Variants in ECEL1 observed in about 807,000 individuals in gnomAD.
ECEL1 encodes endothelin-converting enzyme-like 1.
ECEL1 carries 87 observed loss-of-function variants against 101.8 expected under a neutral mutation model. The observed-to-expected ratio is 0.85, with a 90% CI of 0.72 to 1.02. ECEL1 has a LOEUF of 1.02. Among genes scored for constraint, ECEL1 ranks in the 50% least tolerant of loss-of-function variants. ECEL1 has a pLI of 0.00. For synonymous variants in ECEL1, 487 were observed against 468.7 expected (o/e 1.04, Z -0.50); for missense variants, 1,032 against 1,079.2 (o/e 0.96, Z 0.61).
intron 5 of ECEL1, 21 bp downstream of exon 5, chr2:232,484,780 C>T (rs372161220): frequency 4.8e-5 from 78 of 1,613,346 alleles, no homozygotes; most frequent in Non-Finnish European, 6.0e-5. Context: ...TGCCTGCCCA[C>T]GAGGACTGGG....
At chr2:232,481,885 C>T in intron 12 of ECEL1, 36 bp from the exon 13 acceptor site, 1 of 1,612,360 alleles carries the variant, frequency 6.2e-7, no homozygotes, top group Non-Finnish European at 8.5e-7. Flanking sequence ...CCCTAGCCCT[C>T]CACCCTCTGA....
Position 232,486,248 on chromosome 2 carries a change from G to A in ECEL1, c.406C>T (p.Arg136Trp), listed in dbSNP as rs1263258508. 3.1e-6 allele frequency: 5 copies of A among 1,600,162 alleles called. 1 individual carries two copies. Among genetic ancestry groups the A allele is most frequent in the Middle Eastern group, 2.2e-4 (1 of 4,544 alleles). ...FYSFACGGWL[R>W]RHAIPDDKLT... ...TTGTCGTCGGGGATGGCGTGGCGCC[G>A]CAGCCAACCGCCGCAGGCGAACGAG... Residue 136 changes from arginine to tryptophan, a missense_variant, in exon 2 of 18, where the codon CGG (arginine) becomes TGG (tryptophan). By Grantham distance (101) the Arg-to-Trp change is moderately radical. Transcript: ENST00000304546.
chr2:232,480,552 C>T (rs1690551703), intron 16 of ECEL1, 77 bp from the exon 17 acceptor site: 4 of 1,580,778 alleles, frequency 2.5e-6, no homozygotes, highest in South Asian at 2.2e-5. Flanking sequence ...CCACCCAGCA[C>T]ACAAGGCGGT....
rs573681591 is a variant in ECEL1 at position 232,480,560 on chromosome 2, G to A, written c.2152-85C>T. On this transcript the variant is annotated intron_variant, in intron 16 of 17. Coordinates refer to ENST00000304546, the MANE Select transcript of ECEL1 (RefSeq NM_004826.4). ...TTGCCCCCCACCCAGCACACAAGGC[G>A]GTAGGCCCCCTCAGCACCACAGGAC... 87 of 1,561,484 alleles carry A rather than the reference G, an allele frequency of 5.6e-5. 1 individual carries two copies. In the African/African-American group the frequency reaches 8.0e-4, roughly 14 times the overall value.
Position 232,482,171 on chromosome 2 carries a change from C to T in ECEL1, c.1796+247G>A, listed in dbSNP as rs558265441. On this transcript the variant is annotated intron_variant, in intron 12 of 17. Transcript: ENST00000304546. ...TACCTCATCATTAGTGTTGCGCCAC[C>T]TTTGAAACATCAAAATGAGCCTCAA... Among the ~76,000 whole-genome samples the T allele has an allele frequency of 6.2e-4, 95 of 152,304 alleles. 1 individual carries two copies. Among genetic ancestry groups the T allele is most frequent in the African/African-American group, 2.2e-3 (92 of 41,576 alleles).
chr2:232,482,808 C>A, intron 10 of ECEL1, 43 bp downstream of exon 10: 1 of 1,608,908 alleles, frequency 6.2e-7, no homozygotes, highest in Non-Finnish European at 8.5e-7. Flanking sequence ...TGCCCTTTCC[C>A]CACAACCCTT....
At position 232,480,133 on chromosome 2, in the gene ECEL1, G is replaced by T. The variant is rs757625259; in HGVS notation, c.*20C>A. 14 of 1,611,742 alleles carry T rather than the reference G, an allele frequency of 8.7e-6. No individual in the cohort carries two copies. The East Asian group carries it at 3.1e-4, about 36-fold the overall frequency. On this transcript the variant is annotated 3_prime_UTR_variant, in exon 18 of 18. Transcript: ENST00000304546. ...TGATTCGTGCGGGGGCAGTGGGGGC[G>T]TGCAGGCGGGCAGCCAGGCTCACCA... is the stretch of plus-strand genomic sequence containing the variant.
At chr2:232,480,526 TC>T (rs755361648) in intron 16 of ECEL1, 51 bp from the exon 17 acceptor site, 6 of 1,607,014 alleles carry the variant, frequency 3.7e-6, no homozygotes, top group Non-Finnish European at 5.1e-6. Flanking sequence ...AAGCCAGGCA[TC>T]CGCCCCCTTG....
intron 5 of ECEL1, 71 bp downstream of exon 5, chr2:232,484,730 G>A (rs543401727): frequency 8.5e-5 from 137 of 1,607,672 alleles, no homozygotes; most frequent in Non-Finnish European, 1.0e-4. Context: ...TCTGGGGAGA[G>A]ATGACCCTGT....
chr2:232,481,078 G>A lies in ECEL1; in HGVS notation c.2055+13C>T, dbSNP rs1435582801. The A allele has an allele frequency of 6.4e-7, 1 of 1,554,894 alleles. No individual in the cohort carries two copies. The highest frequency in any genetic ancestry group is 1.7e-4 in the Middle Eastern group (1 of 5,996). On this transcript the variant is annotated intron_variant, in intron 15 of 17. Coordinates refer to ENST00000304546, the MANE Select transcript of ECEL1 (RefSeq NM_004826.4). ...CTCCTGCAGCAGGGGTGGAGCACAG[G>A]CAGGCCGCTCACGTGGTAGGCCAGC...
chr2:232,483,583 G>T, intron 7 of ECEL1, 69 bp from the exon 8 acceptor site: 10 of 1,339,300 alleles, frequency 7.5e-6, no homozygotes, highest in Non-Finnish European at 9.2e-6. Context: ...GGCAGGAGGG[G>T]TACCCCTGCC....
At chr2:232,483,621 C>T in intron 7 of ECEL1, 107 bp from the exon 8 acceptor site, 1 of 905,810 alleles carries the variant, frequency 1.1e-6, no homozygotes, top group Non-Finnish European at 1.6e-6. Context: ...AAGCCCAAAC[C>T]TCATTTCTGA....
rs754166939 is a variant in ECEL1 at position 232,484,219 on chromosome 2, G to C, written c.1189C>G (p.Leu397Val). 6.2e-7 allele frequency: 1 copy of C among 1,609,186 alleles called. No homozygotes were observed. The change falls in exon 7 of 18, where the codon CTG becomes GTG. Residue 397 changes from leucine to valine, a missense_variant. Coordinates refer to ENST00000304546, the MANE Select transcript of ECEL1 (RefSeq NM_004826.4). ...QLIRSTPHRV[L>V]HNYLVWRVVV... is the part of the protein sequence containing the mutation. The stretch of plus-strand genomic sequence containing the variant: ...ACGCGCCACACCAGGTAGTTGTGCA[G>C]GACCCTGGGGACCAGGTGAAGCCAG...
In ECEL1 at chr2:232,484,798, C is replaced by A. The variant is rs774417223; in HGVS notation, c.1059+3G>T. 3.0e-5 allele frequency: 48 copies of A among 1,613,874 alleles called. No individual in the cohort carries two copies. The highest frequency in any genetic ancestry group is 4.1e-5 in the Non-Finnish European group (48 of 1,180,016). ...CTGCCCACGAGGACTGGGCCACACT[C>A]ACGTGGGGGGTGATCTTCTGCAGCT... On this transcript the variant is annotated splice_donor_region_variant and intron_variant, in intron 5 of 17. Transcript: ENST00000304546.
chr2:232,484,844 T>G lies in ECEL1; in HGVS notation c.1016A>C (p.Tyr339Ser). 1 of 1,613,982 alleles carries G rather than the reference T, an allele frequency of 6.2e-7. No homozygotes were observed. Among genetic ancestry groups the G allele is most frequent in the Non-Finnish European group, 8.5e-7 (1 of 1,179,990 alleles). ...DDLRRDVSSM[Y>S]NKVTLGQLQK... ...CAGCTGCCCCAGCGTCACCTTGTTG[T>G]ACATGGAGCTGACATCTCGCCGTAG... The change falls in exon 5 of 18, where the codon TAC becomes TCC. Residue 339 changes from tyrosine (Y) to serine (S), a missense_variant. Coordinates refer to ENST00000304546, the MANE Select transcript of ECEL1 (RefSeq NM_004826.4).
Position 232,480,703 on chromosome 2 carries a change from C to A in ECEL1, c.2151+15G>T. The A allele has an allele frequency of 6.2e-7, 1 of 1,613,628 alleles. No homozygotes were observed. The highest frequency in any genetic ancestry group is 1.1e-5 in the South Asian group (1 of 91,018). On this transcript the variant is annotated intron_variant, in intron 16 of 17. Transcript: ENST00000304546. The stretch of plus-strand genomic sequence containing the variant: ...CCACCCCAAGGCTCCCAGTCCAATC[C>A]CCCACCCAGCCCACCTGGGCAAAGG...
rs1333721178 is a variant in ECEL1 at position 232,486,480 on chromosome 2, G to A, written c.174C>T (p.Arg58=). The A allele has an allele frequency of 7.0e-7, 1 of 1,425,154 alleles. No individual in the cohort carries two copies. Among genetic ancestry groups the A allele is most frequent in the South Asian group, 1.5e-5 (1 of 68,464 alleles). 88.3% of individuals were successfully genotyped at this position (1,425,154 alleles called of 1,614,324 possible). A position where few individuals can be genotyped will look rare whatever the true frequency, so the allele number is the denominator to read the frequency against. Residue 58 remains arginine, a synonymous_variant, in exon 2 of 18, where the codon CGC becomes CGT. Coordinates refer to ENST00000304546, the MANE Select transcript of ECEL1 (RefSeq NM_004826.4). ...ARSGLPRWNR[R]EVCLLSGLVF... Reference sequence around the variant, plus strand: ...CCAGCCCCGACAGCAGGCACACCTCGCGCCGGTTCCAGCGCGGCAGCCCGG... The same window carrying A: ...CCAGCCCCGACAGCAGGCACACCTCACGCCGGTTCCAGCGCGGCAGCCCGG...
At position 232,482,323 on chromosome 2, in the gene ECEL1, G is replaced by A. The variant is rs369290182; in HGVS notation, c.1796+95C>T. ...TCCTGAACCCAGCTGGGTCTGGGGCGATTGGAGCCACAGTACGCCGACACA... is the reference window on the plus strand; with the variant it reads ...TCCTGAACCCAGCTGGGTCTGGGGCAATTGGAGCCACAGTACGCCGACACA... On this transcript the variant is annotated intron_variant, in intron 12 of 17. Transcript: ENST00000304546. 179 of 1,554,662 alleles carry A rather than the reference G, an allele frequency of 1.2e-4. No homozygotes were observed. The East Asian group carries it at 2.6e-3, about 22-fold the overall frequency.
At position 232,482,896 on chromosome 2, in the gene ECEL1, A is replaced by C; in HGVS notation, c.1640T>G (p.Ile547Ser). 6.2e-7 allele frequency: 1 copy of C among 1,614,198 alleles called. No homozygotes were observed. The highest frequency in any genetic ancestry group is 8.5e-7 in the Non-Finnish European group (1 of 1,180,044). Reference sequence around the variant, plus strand: ...CCGAATCTTCTTAACTGAGAGCTGGATGCTGAAGCGGATGCTGTTCAAGAT... The same window carrying C: ...CCGAATCTTCTTAACTGAGAGCTGGCTGCTGAAGCGGATGCTGTTCAAGAT... ...KNILNSIRFSIQLSVKKIRQE... is the reference protein window; with the variant it reads ...KNILNSIRFSSQLSVKKIRQE... Residue 547 changes from isoleucine to serine, a missense_variant, in exon 10 of 18, where the codon ATC becomes AGC. Ile to Ser is a moderately radical substitution (Grantham distance 142). Transcript: ENST00000304546.
Sources: allele counts gnomAD v4.1 joint callset (sites outside exome capture counted in the v4.1 genomes callset), GRCh38; gene constraint gnomAD v4.1.1; transcripts MANE v1.5; gene names NCBI Gene and HGNC (gene_info 2026-07-23, HGNC 2026-07-21).